LRRC1: variants seen among roughly 807,000 people sequenced by gnomAD.
The protein encoded by LRRC1 is leucine rich repeat containing 1, also known as leucine-rich repeat-containing protein 1.
Under a neutral mutation model 69.9 loss-of-function variants are expected in LRRC1, and 28 were observed. The observed-to-expected ratio is 0.40, with a 90% CI of 0.30 to 0.55. LRRC1 has a LOEUF of 0.55. Among genes scored for constraint, LRRC1 ranks in the 20% least tolerant of loss-of-function variants. The pLI is 0.47. For missense variants in LRRC1, 498 were observed against 609.0 expected (o/e 0.82, Z 1.92); for synonymous variants, 236 against 240.2 (o/e 0.98, Z 0.16).
chr6:53,807,516 C>T (rs534664330), intron 1 of LRRC1, among the ~76,000 whole-genome samples: 7 of 152,282 alleles, frequency 4.6e-5, no homozygotes, highest in South Asian at 2.1e-4. Flanking sequence ...GAGGCTGAGG[C>T]GGGCAAATCA....
In LRRC1 at chr6:53,867,371, C is replaced by G. The variant is rs1766735866; in HGVS notation, c.278-11622C>G. On this transcript the variant is annotated intron_variant, in intron 2 of 13. Coordinates refer to ENST00000370888, the MANE Select transcript of LRRC1 (RefSeq NM_018214.5). ...AAATTGGTCTATGCCTGGGCCGAATCCAGGACTGTAGTAATGTTTATATTG... is the reference window on the plus strand; with the variant it reads ...AAATTGGTCTATGCCTGGGCCGAATGCAGGACTGTAGTAATGTTTATATTG... Among the ~76,000 whole-genome samples, 3 of 151,656 alleles carry G rather than the reference C, an allele frequency of 2.0e-5. No homozygotes were observed. In the South Asian group the frequency reaches 6.2e-4, roughly 32 times the overall value.
intron 8 of LRRC1, among the ~76,000 whole-genome samples, chr6:53,901,813 G>A (rs2127437424): frequency 6.6e-6 from 1 of 152,352 alleles, no homozygotes; most frequent in Non-Finnish European, 1.5e-5. Flanking sequence ...AAGAGCTTAA[G>A]AATTGGTTCC....
chr6:53,837,988 G>A (rs1380631395), intron 1 of LRRC1, among the ~76,000 whole-genome samples: 1 of 152,188 alleles, frequency 6.6e-6, no homozygotes, highest in Non-Finnish European at 1.5e-5. Context: ...AATGGTGTCT[G>A]TGTGTTCTGT....
intron 2 of LRRC1, among the ~76,000 whole-genome samples, chr6:53,854,998 CAG>C (rs150543463): frequency 0.37 from 56,363 of 151,880 alleles, 10,907 homozygotes; most frequent in East Asian, 0.64. Context: ...ATCGACAAGA[CAG>C]GGGGATTTCC....
At chr6:53,882,998 G>A (rs1767350465) in intron 4 of LRRC1, 22 bp downstream of exon 4, 1 of 1,449,856 alleles carries the variant, frequency 6.9e-7, no homozygotes, top group Non-Finnish European at 9.6e-7. Context: ...TGTGAAGTTT[G>A]GGTGGATCAG....
intron 1 of LRRC1, among the ~76,000 whole-genome samples, chr6:53,806,513 A>G (rs1764640262): frequency 6.6e-6 from 1 of 152,118 alleles, no homozygotes; most frequent in Non-Finnish European, 1.5e-5. Context: ...CAACACTAGC[A>G]TTGTGACCTT....
At chr6:53,801,780 G>A (rs868316832) in intron 1 of LRRC1, among the ~76,000 whole-genome samples, 4 of 152,228 alleles carry the variant, frequency 2.6e-5, no homozygotes, top group Middle Eastern at 6.8e-3. Flanking sequence ...ATGGGTTAGT[G>A]GAGATTAGAG....
At chr6:53,890,485 T>A (rs992577465) in intron 4 of LRRC1, among the ~76,000 whole-genome samples, 2 of 152,130 alleles carry the variant, frequency 1.3e-5, no homozygotes, top group African/African-American at 4.8e-5. Flanking sequence ...TTGAACTAAG[T>A]GATCCATGTG....
intron 1 of LRRC1, among the ~76,000 whole-genome samples, chr6:53,815,455 C>G (rs571715838): frequency 2.1e-5 from 1 of 46,692 alleles, no homozygotes; most frequent in African/African-American, 5.8e-5. Context: ...CTCTTGTTCT[C>G]TTTTCTCCCT....
chr6:53,865,447 A>G (rs912950248), intron 2 of LRRC1, among the ~76,000 whole-genome samples: 6 of 152,084 alleles, frequency 3.9e-5, no homozygotes, highest in Admixed American at 1.3e-4. Flanking sequence ...GTCTGTGCAG[A>G]AGGTTGTTAG....
chr6:53,850,457 T>C (rs1334011495), intron 2 of LRRC1, among the ~76,000 whole-genome samples: 1 of 152,188 alleles, frequency 6.6e-6, no homozygotes, highest in Non-Finnish European at 1.5e-5. Context: ...AACAATATCA[T>C]TAAAAATGCA....
chr6:53,889,646 G>A (rs968434286), intron 4 of LRRC1, among the ~76,000 whole-genome samples: 2 of 152,110 alleles, frequency 1.3e-5, no homozygotes, highest in African/African-American at 4.8e-5. Context: ...TGGGGTGGAG[G>A]AATGACTTCT....
chr6:53,842,840 G>A (rs1030727218), intron 2 of LRRC1, among the ~76,000 whole-genome samples: 2 of 152,146 alleles, frequency 1.3e-5, no homozygotes, highest in Non-Finnish European at 2.9e-5. Flanking sequence ...TTCAATTTGT[G>A]TGGTATATTT....
chr6:53,887,989 T>G (rs181044459), intron 4 of LRRC1, among the ~76,000 whole-genome samples: 56 of 152,318 alleles, frequency 3.7e-4, no homozygotes, highest in African/African-American at 1.3e-3. Flanking sequence ...GGCTTTTTAC[T>G]TTACTATCAC....
intron 1 of LRRC1, among the ~76,000 whole-genome samples, chr6:53,837,073 G>A (rs1765633174): frequency 6.6e-6 from 1 of 152,050 alleles, no homozygotes; most frequent in South Asian, 2.1e-4. Flanking sequence ...TCATTGCTGT[G>A]TAGAATTTCA....
intron 2 of LRRC1, among the ~76,000 whole-genome samples, chr6:53,853,936 C>G (rs1029077189): frequency 2.0e-5 from 3 of 152,150 alleles, no homozygotes; most frequent in African/African-American, 7.2e-5. Flanking sequence ...TGTGATGGGG[C>G]ATCTAATTTT....
At position 53,896,484 on chromosome 6, in the gene LRRC1, C is replaced by A; in HGVS notation, c.447-14C>A. 6.2e-7 allele frequency: 1 copy of A among 1,608,256 alleles called. No homozygotes were observed. Among genetic ancestry groups the A allele is most frequent in the Admixed American group, 1.7e-5 (1 of 59,724 alleles). On this transcript the variant is annotated splice_polypyrimidine_tract_variant and intron_variant, in intron 4 of 13. Coordinates refer to ENST00000370888, the MANE Select transcript of LRRC1 (RefSeq NM_018214.5). ...ATTTCTCTTATGCTTTTTTTTCCTT[C>A]TGTTCATTTCTAGTCTTTATAACCT...
chr6:53,795,222 G>A lies in LRRC1; in HGVS notation c.-35G>A, dbSNP rs11550731. The A allele has an allele frequency of 6.4e-7, 1 of 1,565,986 alleles. No individual in the cohort carries two copies. ...CGGGCTCGGAGCCCGGGTCTCCGCC[G>A]CTCGGGACCCGGCTAGGCGGCGGCG... On this transcript the variant is annotated 5_prime_UTR_variant, in exon 1 of 14. Coordinates refer to ENST00000370888, the MANE Select transcript of LRRC1 (RefSeq NM_018214.5).
intron 11 of LRRC1, among the ~76,000 whole-genome samples, chr6:53,916,871 G>A (rs1419217507): frequency 6.6e-6 from 1 of 152,158 alleles, no homozygotes. Context: ...GGCTGGGTTG[G>A]TCATGGACAT....
Sources: allele counts gnomAD v4.1 joint callset (sites outside exome capture counted in the v4.1 genomes callset), GRCh38; gene constraint gnomAD v4.1.1; transcripts MANE v1.5; gene names NCBI Gene and HGNC (gene_info 2026-07-23, HGNC 2026-07-21).